Variants in PITPNM2 observed in about 807,000 individuals in gnomAD.
The protein encoded by PITPNM2 is phosphatidylinositol transfer protein membrane associated 2.
PITPNM2 carries 35 observed loss-of-function variants against 132.2 expected under a neutral mutation model. The ratio of observed to expected loss-of-function variants is 0.26; its 90% confidence interval spans 0.20 to 0.35. PITPNM2 has a LOEUF of 0.35. Ranked by LOEUF, PITPNM2 falls within the 10% of genes least tolerant of loss-of-function variation. The pLI, the probability that PITPNM2 is intolerant of heterozygous loss-of-function variation, is 1.00. For synonymous variants in PITPNM2, 738 were observed against 799.2 expected (o/e 0.92, Z 1.29); for missense variants, 1,332 against 1,912.0 (o/e 0.70, Z 5.66).
In PITPNM2 at chr12:123,082,705, G is replaced by A. The variant is rs1444447559; in HGVS notation, c.-96+27680C>T. ...CCCGCCTTGGCCTCCCAAAGTGCTG[G>A]GATTGCAGGCGTGGCCACCGTGCCT... On this transcript the variant is annotated intron_variant, in intron 2 of 25. Transcript: ENST00000320201. The surrounding 1 kb of genome is among the most constrained non-coding windows in gnomAD (Gnocchi z 5.4). 1 of 152,236 alleles carries A rather than the reference G, an allele frequency of 6.6e-6. No homozygotes were observed. The highest frequency in any genetic ancestry group is 1.5e-5 in the Non-Finnish European group (1 of 68,084). 9.4% of individuals were successfully genotyped at this position (152,236 alleles called of 1,614,324 possible).
At position 122,996,752 on chromosome 12, in the gene PITPNM2, TTGA is replaced by T; in HGVS notation, c.1628_1630del (p.Ile543del). 1 of 1,612,194 alleles carries T rather than the reference TTGA, an allele frequency of 6.2e-7. No individual in the cohort carries two copies. Among genetic ancestry groups the T allele is most frequent in the Non-Finnish European group, 8.5e-7 (1 of 1,179,526 alleles). ...ATTGAAGGTCATGCCCTCCTGGGAC[TTGA>T]TGAAGTCCCCATAGGCAAGGTTGGC... is the stretch of plus-strand genomic sequence containing the variant. On this transcript the variant is annotated inframe_deletion, in exon 12 of 26. Transcript: ENST00000320201.
chr12:122,989,649 T>A, intron 18 of PITPNM2, 138 bp downstream of exon 18: 9 of 816,144 alleles, frequency 1.1e-5, no homozygotes, highest in Non-Finnish European at 1.5e-5. Context: ...ACCTCCTCCC[T>A]AGATGGCCAA....
chr12:123,129,059 C>T (rs544959485), intron 1 of PITPNM2, among the ~76,000 whole-genome samples: 61 of 152,128 alleles, frequency 4.0e-4, no homozygotes, highest in Non-Finnish European at 7.1e-4. Context: ...TGCTTGAACC[C>T]GGGAGGCAGA....
intron 3 of PITPNM2, among the ~76,000 whole-genome samples, chr12:123,016,865 GAAAC>G (rs2039446829): frequency 6.6e-6 from 1 of 151,860 alleles, no homozygotes; most frequent in African/African-American, 2.4e-5. Context: ...CCAGCATGGT[GAAAC>G]CCTGTCTCTA....
intron 6 of PITPNM2, among the ~76,000 whole-genome samples, chr12:123,006,452 G>A (rs2038937594): frequency 6.6e-6 from 1 of 151,642 alleles, no homozygotes; most frequent in Non-Finnish European, 1.5e-5. Flanking sequence ...TGTAATCCTA[G>A]CACTTTGGGA....
chr12:122,988,673 C>T (rs995685515), intron 19 of PITPNM2, 51 bp downstream of exon 19: 8 of 1,511,794 alleles, frequency 5.3e-6, no homozygotes, highest in Non-Finnish European at 7.1e-6. Context: ...GTGGCCCTGT[C>T]ATGGGTGTTG....
intron 2 of PITPNM2, among the ~76,000 whole-genome samples, chr12:123,065,050 C>T (rs1198149903): frequency 2.0e-5 from 3 of 152,236 alleles, no homozygotes; most frequent in East Asian, 3.8e-4. Context: ...AGCTGAGCTA[C>T]AGCCCCCATT....
chr12:123,034,157 C>T (rs775524460), intron 3 of PITPNM2: 5 of 215,602 alleles, frequency 2.3e-5, no homozygotes, highest in East Asian at 2.1e-4. Flanking sequence ...TGTTCCTCTA[C>T]GCCCCCAGTT....
Position 122,993,141 on chromosome 12 carries a change from A to C in PITPNM2, c.2234-472T>G, listed in dbSNP as rs1420271795. On this transcript the variant is annotated intron_variant, in intron 15 of 25. Coordinates refer to ENST00000320201, the MANE Select transcript of PITPNM2 (RefSeq NM_020845.3). This position sits in a 1 kb window ranked among gnomAD's most constrained non-coding sequence, Gnocchi z 5.2. ...CACGCCTGACCTCTAATTTTTTTTC[A>C]TTGCAAAAGTTATAATGATTGTGGT... Among the ~76,000 whole-genome samples the C allele has an allele frequency of 6.6e-6, 1 of 151,974 alleles. No homozygotes were observed. Among genetic ancestry groups the C allele is most frequent in the African/African-American group, 2.4e-5 (1 of 41,450 alleles).
At position 123,106,651 on chromosome 12, in the gene PITPNM2, G is replaced by A. The variant is rs2042719881; in HGVS notation, c.-96+3734C>T. On this transcript the variant is annotated intron_variant, in intron 2 of 25. Coordinates refer to ENST00000320201, the MANE Select transcript of PITPNM2 (RefSeq NM_020845.3). The surrounding 1 kb of genome is among the most constrained non-coding windows in gnomAD (Gnocchi z 4.4). ...GCAGTCAGGAGGGGCACAGGTGACA[G>A]AACTGGCCAGGGCATGACATGGGTC... Among the ~76,000 whole-genome samples the A allele has an allele frequency of 6.6e-6, 1 of 152,210 alleles. No individual in the cohort carries two copies. Among genetic ancestry groups the A allele is most frequent in the Admixed American group, 6.5e-5 (1 of 15,284 alleles).
chr12:123,086,589 A>G (rs1422970957), intron 2 of PITPNM2, among the ~76,000 whole-genome samples: 2 of 152,226 alleles, frequency 1.3e-5, no homozygotes, highest in Non-Finnish European at 2.9e-5. Context: ...TCAGCATGTG[A>G]ATTAACTGAT....
chr12:122,992,579 C>T lies in PITPNM2; in HGVS notation c.2324G>A (p.Arg775Gln), dbSNP rs536051336. The T allele has an allele frequency of 1.2e-5, 19 of 1,611,342 alleles. No homozygotes were observed. The highest frequency in any genetic ancestry group is 1.8e-4 in the Middle Eastern group (1 of 5,540). ...SASRLEPLLERRFHALPPFSV... is the reference protein window; with the variant it reads ...SASRLEPLLEQRFHALPPFSV... ...GAAAGGCGGCAGGGCGTGAAAGCGC[C>T]GTTCCAGCAGCGGCTCCAGGCGTGA... is the stretch of plus-strand genomic sequence containing the variant. Residue 775 changes from arginine (R) to glutamine (Q), a missense_variant, in exon 16 of 26, where the codon CGG becomes CAG. Transcript: ENST00000320201. This position sits in a 1 kb window ranked among gnomAD's most constrained non-coding sequence, Gnocchi z 6.5.
At chr12:123,134,924 A>C (rs2043344459) in intron 1 of PITPNM2, among the ~76,000 whole-genome samples, 1 of 152,222 alleles carries the variant, frequency 6.6e-6, no homozygotes, top group South Asian at 2.1e-4. Flanking sequence ...ATATTCAGTA[A>C]GTTCCCCAAC....
chr12:123,072,979 C>A (rs562898118), intron 2 of PITPNM2, among the ~76,000 whole-genome samples: 81 of 152,324 alleles, frequency 5.3e-4, no homozygotes, highest in African/African-American at 1.8e-3. Flanking sequence ...TAGGGAGAGC[C>A]CTGCCTCTTG....
chr12:123,110,163 G>A (rs1047317229), intron 2 of PITPNM2, among the ~76,000 whole-genome samples: 1 of 152,042 alleles, frequency 6.6e-6, no homozygotes, highest in Non-Finnish European at 1.5e-5. Context: ...CTATGTTGCC[G>A]AGGCTGTCTT....
At chr12:123,071,053 C>A (rs1173326143) in intron 2 of PITPNM2, among the ~76,000 whole-genome samples, 1 of 152,224 alleles carries the variant, frequency 6.6e-6, no homozygotes, top group Non-Finnish European at 1.5e-5. Flanking sequence ...CTCAGGAAAG[C>A]TGCCCTGGGT....
intron 2 of PITPNM2, among the ~76,000 whole-genome samples, chr12:123,060,597 A>G (rs999955609): frequency 1.3e-5 from 2 of 152,128 alleles, no homozygotes; most frequent in African/African-American, 4.8e-5. Context: ...CCACAAATAA[A>G]CAAGCGATTC....
rs1180246665 is a variant in PITPNM2, at chr12:122,993,033, T to A, written c.2234-364A>T. On this transcript the variant is annotated intron_variant, in intron 15 of 25. Transcript: ENST00000320201. The surrounding 1 kb of genome is among the most constrained non-coding windows in gnomAD (Gnocchi z 5.2). ...GTAGAGATGGGGTCTTACTATGTTA[T>A]CCAGGCTGGTCTCAAACTCCTGGAC... 6.6e-6 allele frequency among the ~76,000 whole-genome samples: 1 copy of A among 152,090 alleles called. No individual in the cohort carries two copies. The highest frequency in any genetic ancestry group is 1.5e-5 in the Non-Finnish European group (1 of 68,010).
rs2038898394 is a variant in PITPNM2 at position 123,005,689 on chromosome 12, G to A, written c.644-141C>T. 1 of 743,316 alleles carries A rather than the reference G, an allele frequency of 1.3e-6. No homozygotes were observed. The highest frequency in any genetic ancestry group is 1.8e-5 in the African/African-American group (1 of 57,054). 46.0% of individuals were successfully genotyped at this position (743,316 alleles called of 1,614,324 possible). The stretch of plus-strand genomic sequence containing the variant: ...GTCAAACTAAAGTCACTGCCTGTCT[G>A]TGCCTCAGTTTCCCCATTTGTAAAA... On this transcript the variant is annotated intron_variant, in intron 6 of 25. Coordinates refer to ENST00000320201, the MANE Select transcript of PITPNM2 (RefSeq NM_020845.3). This position sits in a 1 kb window ranked among gnomAD's most constrained non-coding sequence, Gnocchi z 6.2.
Sources: allele counts gnomAD v4.1 joint callset (sites outside exome capture counted in the v4.1 genomes callset), GRCh38; gene constraint gnomAD v4.1.1; non-coding constraint Gnocchi (gnomAD v3.1); transcripts MANE v1.5; gene names NCBI Gene and HGNC (gene_info 2026-07-23, HGNC 2026-07-21).